KIAA1217: variants seen among roughly 807,000 people sequenced by gnomAD.
KIAA1217 encodes sickle tail protein homolog.
In KIAA1217, 88 loss-of-function variants were observed where a neutral mutation model predicts 163.9. The observed-to-expected ratio is 0.54, with a 90% CI of 0.45 to 0.64. The LOEUF (loss-of-function observed/expected upper bound fraction) is 0.64, where lower values mean the gene tolerates loss of function less well. KIAA1217 is among the 30% of genes least tolerant of loss of function. The pLI, the probability that KIAA1217 is intolerant of heterozygous loss-of-function variation, is 0.00. For synonymous variants in KIAA1217, 903 were observed against 923.1 expected (o/e 0.98, Z 0.39); for missense variants, 2,372 against 2,475.0 (o/e 0.96, Z 0.88).
intron 2 of KIAA1217, among the ~76,000 whole-genome samples, chr10:24,243,852 G>A (rs185608221): frequency 7.2e-5 from 11 of 152,146 alleles, no homozygotes; most frequent in South Asian, 2.1e-4. Context: ...TGTTTTAGAA[G>A]CCCAGTGAAG....
Position 23,790,422 on chromosome 10 carries a change from CATATAT to C in KIAA1217, c.-321+95190_-321+95195del, listed in dbSNP as rs1444246779. On this transcript the variant is annotated intron_variant, in intron 1 of 18. Coordinates refer to the KIAA1217 transcript ENST00000376462. ...ATACATATATACATATACATATATA[CATATAT>C]ACATATACATATATACATATATACA... is the stretch of plus-strand genomic sequence containing the variant. Among the ~76,000 whole-genome samples, 8 of 109,064 alleles carry C rather than the reference CATATAT, an allele frequency of 7.3e-5. 2 individuals are homozygous for C. The highest frequency in any genetic ancestry group is 1.4e-4 in the Non-Finnish European group (8 of 56,570). The allele number at this position is 109,064 out of a possible 152,430, so 71.6% of individuals were successfully genotyped here. A position where few individuals can be genotyped will look rare whatever the true frequency, so the allele number is the denominator to read the frequency against.
chr10:23,763,050 T>A (rs576307284), intron 1 of KIAA1217, among the ~76,000 whole-genome samples: 2 of 152,156 alleles, frequency 1.3e-5, no homozygotes, highest in East Asian at 3.9e-4. Context: ...GGAATACAGC[T>A]AACAAGGCTG....
intron 2 of KIAA1217, among the ~76,000 whole-genome samples, chr10:24,278,290 A>G (rs2077532587): frequency 6.6e-6 from 1 of 152,230 alleles, no homozygotes; most frequent in African/African-American, 2.4e-5. Context: ...CCGGAAACCT[A>G]GAACTCAGAC....
intron 2 of KIAA1217, among the ~76,000 whole-genome samples, chr10:24,187,996 G>A (rs1290876323): frequency 1.3e-5 from 2 of 152,006 alleles, no homozygotes; most frequent in African/African-American, 2.4e-5. Context: ...TCAGGAGTTC[G>A]AGACCAGCTT....
intron 1 of KIAA1217, among the ~76,000 whole-genome samples, chr10:23,851,526 C>G (rs1184696497): frequency 6.6e-6 from 1 of 152,130 alleles, no homozygotes; most frequent in Non-Finnish European, 1.5e-5. Context: ...GGGCATATAC[C>G]CAGTAAAGAG....
intron 1 of KIAA1217, among the ~76,000 whole-genome samples, chr10:23,773,284 G>A (rs187618461): frequency 0.031 from 4,743 of 151,860 alleles, 110 homozygotes; most frequent in Admixed American, 0.076. Context: ...GATATGCGGC[G>A]TTATTTCTGA....
At chr10:24,273,716 G>A (rs984063038) in intron 2 of KIAA1217, among the ~76,000 whole-genome samples, 2 of 151,732 alleles carry the variant, frequency 1.3e-5, no homozygotes, top group Non-Finnish European at 2.9e-5. Flanking sequence ...GCCGGGTGTG[G>A]TGGCACATGC....
intron 1 of KIAA1217, among the ~76,000 whole-genome samples, chr10:23,754,017 T>C (rs1485699804): frequency 1.3e-5 from 2 of 152,178 alleles, no homozygotes; most frequent in Non-Finnish European, 2.9e-5. Context: ...TCCTCCCTGT[T>C]CTCACTGGAG....
At chr10:23,833,666 G>C (rs1478889204) in intron 1 of KIAA1217, among the ~76,000 whole-genome samples, 1 of 151,438 alleles carries the variant, frequency 6.6e-6, no homozygotes, top group Non-Finnish European at 1.5e-5. Flanking sequence ...CTCTAGTTTT[G>C]TATTTATTTT....
At chr10:24,018,952 G>T (rs138608646) in intron 2 of KIAA1217, among the ~76,000 whole-genome samples, 10 of 152,176 alleles carry the variant, frequency 6.6e-5, no homozygotes, top group African/African-American at 2.4e-4. Context: ...ACCTGGCACA[G>T]AAAGACAAAT....
At chr10:24,461,760 G>T (rs1405898814) in intron 5 of KIAA1217, among the ~76,000 whole-genome samples, 1 of 152,102 alleles carries the variant, frequency 6.6e-6, no homozygotes, top group Non-Finnish European at 1.5e-5. Flanking sequence ...TTCTCACGTT[G>T]TTGTAATCAT....
intron 1 of KIAA1217, among the ~76,000 whole-genome samples, chr10:23,851,528 A>G (rs1235367370): frequency 2.0e-5 from 3 of 152,244 alleles, no homozygotes; most frequent in Non-Finnish European, 4.4e-5. Context: ...GCATATACCC[A>G]GTAAAGAGAT....
At chr10:24,332,722 C>T (rs1039504139) in intron 2 of KIAA1217, among the ~76,000 whole-genome samples, 3 of 151,916 alleles carry the variant, frequency 2.0e-5, no homozygotes, top group Non-Finnish European at 4.4e-5. Flanking sequence ...CATTGGAGCA[C>T]ATGTAAAGTG....
At chr10:24,466,994 G>T (rs990490038) in intron 5 of KIAA1217, among the ~76,000 whole-genome samples, 1 of 151,500 alleles carries the variant, frequency 6.6e-6, no homozygotes, top group African/African-American at 2.4e-5. Context: ...CCACAGACAT[G>T]ATTACATGAG....
intron 1 of KIAA1217, among the ~76,000 whole-genome samples, chr10:23,817,795 A>T (rs889184722): frequency 1.3e-5 from 2 of 151,356 alleles, no homozygotes; most frequent in Non-Finnish European, 2.9e-5. Flanking sequence ...CAGTTTTTGT[A>T]TATGAAATAT....
At chr10:23,899,816 T>C (rs1434283533) in intron 1 of KIAA1217, among the ~76,000 whole-genome samples, 1 of 152,044 alleles carries the variant, frequency 6.6e-6, no homozygotes, top group East Asian at 1.9e-4. Context: ...CACGATAAAG[T>C]CTCATAAAAC....
intron 2 of KIAA1217, among the ~76,000 whole-genome samples, chr10:24,015,900 C>T (rs1382534614): frequency 2.6e-5 from 4 of 151,648 alleles, no homozygotes; most frequent in Admixed American, 1.3e-4. Flanking sequence ...TTCCTGTTTG[C>T]GTAGGGTAAA....
At chr10:24,035,197 A>G (rs893797607) in intron 2 of KIAA1217, among the ~76,000 whole-genome samples, 9 of 152,290 alleles carry the variant, frequency 5.9e-5, no homozygotes, top group Middle Eastern at 3.4e-3. Context: ...TCATCTGTTA[A>G]ATGGAGATAA....
intron 1 of KIAA1217, among the ~76,000 whole-genome samples, chr10:23,797,222 G>A (rs927773576): frequency 6.6e-6 from 1 of 152,110 alleles, no homozygotes; most frequent in African/African-American, 2.4e-5. Context: ...GAGTGGACAG[G>A]AGAGTGTTTT....
Sources: gnomAD v4.1 joint callset for allele counts (sites outside exome capture counted in the v4.1 genomes callset) on GRCh38, gnomAD v4.1.1 for gene constraint, MANE v1.5 for transcripts, NCBI Gene and HGNC (gene_info 2026-07-23, HGNC 2026-07-21) for gene names.